The following SLC36A4 variants were observed in gnomAD, a reference collection of about 807,000 sequenced individuals.
SLC36A4 encodes the protein neutral amino acid uniporter 4.
In SLC36A4, 49 loss-of-function variants were observed where a neutral mutation model predicts 50.5. That is an observed-to-expected ratio of 0.97 (90% CI 0.77 to 1.23). The LOEUF (loss-of-function observed/expected upper bound fraction) is 1.23, where lower values mean the gene tolerates loss of function less well. Ranked by LOEUF, SLC36A4 falls within the 50% of genes most tolerant of loss-of-function variation. The pLI is 0.00. For missense variants in SLC36A4, 611 were observed against 608.4 expected (o/e 1.00, Z -0.05); for synonymous variants, 207 against 206.5 (o/e 1.00, Z -0.02).
chr11:93,182,751 T>C, intron 4 of SLC36A4, 55 bp downstream of exon 4: 1 of 1,285,896 alleles, frequency 7.8e-7, no homozygotes, highest in Non-Finnish European at 1.1e-6. Flanking sequence ...GACTATCTGA[T>C]GCTGTAAATA....
At chr11:93,165,095 T>C (rs1860802026) in intron 8 of SLC36A4, among the ~76,000 whole-genome samples, 1 of 152,176 alleles carries the variant, frequency 6.6e-6, no homozygotes, top group Non-Finnish European at 1.5e-5. Flanking sequence ...GGGAGAATTA[T>C]CTAAAGGAGA....
intron 1 of SLC36A4, among the ~76,000 whole-genome samples, chr11:93,186,693 T>C (rs1269979344): frequency 6.6e-6 from 1 of 152,226 alleles, no homozygotes; most frequent in African/African-American, 2.4e-5. Context: ...TTTTTCATAC[T>C]GTCCTTCAAA....
At chr11:93,151,056 A>G (rs562544235) in intron 10 of SLC36A4, among the ~76,000 whole-genome samples, 2 of 152,184 alleles carry the variant, frequency 1.3e-5, no homozygotes, top group South Asian at 2.1e-4. Flanking sequence ...ATTCTCATCT[A>G]AAATCTGTTT....
chr11:93,184,542 A>G (rs777923505), intron 2 of SLC36A4, 22 bp from the exon 3 acceptor site: 13 of 1,380,938 alleles, frequency 9.4e-6, no homozygotes, highest in Non-Finnish European at 1.3e-5. Flanking sequence ...AAGTTGTAAG[A>G]CTTAAATATT....
chr11:93,166,491 G>T, intron 7 of SLC36A4: 1 of 826,746 alleles, frequency 1.2e-6, no homozygotes, highest in Non-Finnish European at 1.5e-6. Flanking sequence ...TAGCTCTGCT[G>T]CTGCCCAAAA....
chr11:93,172,576 C>T (rs1861215795), intron 6 of SLC36A4, among the ~76,000 whole-genome samples: 1 of 151,084 alleles, frequency 6.6e-6, no homozygotes, highest in Non-Finnish European at 1.5e-5. Context: ...AGGTATATCT[C>T]CCAATGCTAT....
chr11:93,167,903 T>C, intron 7 of SLC36A4, 41 bp downstream of exon 7: 1 of 1,362,574 alleles, frequency 7.3e-7, no homozygotes, highest in Non-Finnish European at 1.0e-6. Flanking sequence ...TTTACTTACA[T>C]AAGAAAGATA....
chr11:93,197,654 T>C, intron 1 of SLC36A4, 124 bp downstream of exon 1: 1 of 1,044,956 alleles, frequency 9.6e-7, no homozygotes, highest in Admixed American at 2.4e-5. Context: ...GACCACGGGG[T>C]CAGTTAGCAA....
chr11:93,190,215 C>T (rs143196906), intron 1 of SLC36A4, among the ~76,000 whole-genome samples: 293 of 152,166 alleles, frequency 1.9e-3, no homozygotes, highest in African/African-American at 6.6e-3. Context: ...TCATCTCATC[C>T]TTCACGTTTA....
chr11:93,164,475 G>T (rs1462359553), intron 8 of SLC36A4, among the ~76,000 whole-genome samples: 1 of 152,050 alleles, frequency 6.6e-6, no homozygotes, highest in Non-Finnish European at 1.5e-5. Flanking sequence ...TAAAAGCTTT[G>T]CATGCAGCAT....
At chr11:93,159,322 T>C (rs1413631067) in intron 9 of SLC36A4, among the ~76,000 whole-genome samples, 1 of 152,196 alleles carries the variant, frequency 6.6e-6, no homozygotes, top group African/African-American at 2.4e-5. Context: ...TCAAAATTTA[T>C]AATGCTTTTA....
chr11:93,176,757 C>A (rs936636088), intron 6 of SLC36A4, among the ~76,000 whole-genome samples: 3 of 152,118 alleles, frequency 2.0e-5, no homozygotes, highest in South Asian at 2.1e-4. Context: ...TCTTTTCTTT[C>A]AGAATGTTGA....
chr11:93,166,157 T>G (rs910273596), intron 7 of SLC36A4, 141 bp from the exon 8 acceptor site: 6 of 1,294,756 alleles, frequency 4.6e-6, no homozygotes, highest in Non-Finnish European at 6.0e-6. Flanking sequence ...CAACAAACAC[T>G]TAAAGCATCC....
chr11:93,189,490 TA>T (rs905402868), intron 1 of SLC36A4, among the ~76,000 whole-genome samples: 4 of 152,252 alleles, frequency 2.6e-5, no homozygotes, highest in African/African-American at 9.6e-5. Flanking sequence ...CCATCATTAT[TA>T]GTTGTATGAA....
intron 6 of SLC36A4, among the ~76,000 whole-genome samples, chr11:93,175,180 G>C (rs1861396740): frequency 6.6e-6 from 1 of 151,122 alleles, no homozygotes; most frequent in South Asian, 2.1e-4. Flanking sequence ...TCTTGGGAGA[G>C]TGTATGTGTC....
intron 1 of SLC36A4, among the ~76,000 whole-genome samples, chr11:93,187,152 ACTTTTGC>A (rs552536876): frequency 0.11 from 17,072 of 152,100 alleles, 1,263 homozygotes; most frequent in Non-Finnish European, 0.16. Context: ...ATGCTGTTCC[ACTTTTGC>A]CTTGCTTTTA....
chr11:93,182,432 C>G (rs1449566629), intron 4 of SLC36A4: 2 of 163,368 alleles, frequency 1.2e-5, no homozygotes, highest in African/African-American at 4.8e-5. Context: ...TGTTGACTAT[C>G]TACTAACTCA....
intron 1 of SLC36A4, among the ~76,000 whole-genome samples, chr11:93,188,460 G>A (rs1048960215): frequency 1.3e-5 from 2 of 152,180 alleles, no homozygotes; most frequent in Admixed American, 6.5e-5. Context: ...AATTCCTGAA[G>A]TCAAAACTGA....
At chr11:93,168,662 C>A (rs1860992256) in intron 6 of SLC36A4, among the ~76,000 whole-genome samples, 2 of 151,860 alleles carry the variant, frequency 1.3e-5, no homozygotes, top group Non-Finnish European at 2.9e-5. Context: ...TATAGCCTAA[C>A]CTTAAAACTC....
Sources: gnomAD v4.1 joint callset for allele counts (sites outside exome capture counted in the v4.1 genomes callset) on GRCh38, gnomAD v4.1.1 for gene constraint, MANE v1.5 for transcripts, NCBI Gene and HGNC (gene_info 2026-07-23, HGNC 2026-07-21) for gene names.